RGS22: variants seen among roughly 807,000 people sequenced by gnomAD.
RGS22 encodes regulator of G protein signaling 22, also known as regulator of G-protein signaling 22.
A neutral mutation model predicts 172.9 loss-of-function variants in RGS22; 148 were observed. The ratio of observed to expected loss-of-function variants is 0.86; its 90% confidence interval spans 0.75 to 0.98. RGS22 has a LOEUF of 0.98. Among genes scored for constraint, RGS22 ranks in the 50% least tolerant of loss-of-function variants. The probability of loss-of-function intolerance (pLI) is 0.00; values close to 1 mark genes in which losing one functional copy is unlikely to be tolerated. For missense variants in RGS22, 1,347 were observed against 1,440.8 expected, an observed-to-expected ratio of 0.93 and a Z score of 1.05; for synonymous variants, 458 against 480.2, an observed-to-expected ratio of 0.95 and a Z score of 0.60.
intron 14 of RGS22, among the ~76,000 whole-genome samples, chr8:100,033,701 C>T (rs564932814): frequency 1.6e-4 from 25 of 151,640 alleles, no homozygotes; most frequent in East Asian, 9.7e-4. Context: ...GACATCAATG[C>T]GAAAATCCTC....
At chr8:100,060,421 T>TATATCTATATATATATAC (rs1245783464) in intron 9 of RGS22, among the ~76,000 whole-genome samples, 2 of 119,482 alleles carry the variant, frequency 1.7e-5, no homozygotes, top group African/African-American at 2.9e-5. Flanking sequence ...TATATATATA[T>TATATCTATATATATATAC]ACACACACAC....
chr8:100,105,661 C>G, intron 1 of RGS22: 1 of 576,734 alleles, frequency 1.7e-6, no homozygotes, highest in Non-Finnish European at 3.0e-6. Flanking sequence ...AGACGGAACC[C>G]TCTATTATTC....
chr8:100,063,432 G>A lies in RGS22; in HGVS notation c.1336C>T (p.Pro446Ser). 1 of 1,577,752 alleles carries A rather than the reference G, an allele frequency of 6.3e-7. No individual in the cohort carries two copies. Among genetic ancestry groups the A allele is most frequent in the Non-Finnish European group, 8.6e-7 (1 of 1,164,302 alleles). Reference protein sequence around the residue: ...DIERLKVLKDPGRHQRHLEKM... With the variant: ...DIERLKVLKDSGRHQRHLEKM... ...TAGAATTACCTTTGATGTCTTCCAGGATCCTTAAGAACTTTTAACCTCTCA... is the reference window on the plus strand; with the variant it reads ...TAGAATTACCTTTGATGTCTTCCAGAATCCTTAAGAACTTTTAACCTCTCA... The change falls in exon 8 of 28, where the codon CCT becomes TCT. Residue 446 changes from proline (P) to serine (S), a missense_variant. Physicochemically the swap from Pro to Ser is moderately conservative, Grantham distance 74. Coordinates refer to ENST00000360863, the MANE Select transcript of RGS22 (RefSeq NM_015668.5).
chr8:100,050,313 CA>C (rs1821145813), intron 10 of RGS22, among the ~76,000 whole-genome samples: 5 of 152,200 alleles, frequency 3.3e-5, no homozygotes, highest in Admixed American at 6.6e-5. Context: ...AGTTGTAAGC[CA>C]AACCCCTGAT....
intron 11 of RGS22, 85 bp downstream of exon 11, chr8:100,047,378 G>C (rs1820833611): frequency 1.6e-6 from 2 of 1,271,178 alleles, no homozygotes; most frequent in Admixed American, 2.5e-5. Context: ...CAAAGTACTA[G>C]TTTTTAATTT....
intron 14 of RGS22, among the ~76,000 whole-genome samples, chr8:100,010,626 G>C (rs1816270872): frequency 6.6e-6 from 1 of 152,116 alleles, no homozygotes; most frequent in Non-Finnish European, 1.5e-5. Flanking sequence ...TCTAGACTGA[G>C]ATCCTTGAGG....
chr8:99,969,103 A>G (rs1320947489), intron 23 of RGS22, among the ~76,000 whole-genome samples: 1 of 152,190 alleles, frequency 6.6e-6, no homozygotes, highest in Non-Finnish European at 1.5e-5. Flanking sequence ...AACCTTAAAG[A>G]AAATAATTTT....
Position 100,041,847 on chromosome 8 carries a change from G to C in RGS22, c.1893C>G (p.Leu631=). 6.2e-7 allele frequency: 1 copy of C among 1,613,146 alleles called. No individual in the cohort carries two copies. The change falls in exon 12 of 28, where the codon CTC becomes CTG. Residue 631 remains leucine (L), a synonymous_variant. Coordinates refer to ENST00000360863, the MANE Select transcript of RGS22 (RefSeq NM_015668.5). Reference sequence around the variant, plus strand: ...CGTATCTTCTATCCAGCTGGGGCTTGAGACATTCAGAAATGTCAGTAAAAG... The same window carrying C: ...CGTATCTTCTATCCAGCTGGGGCTTCAGACATTCAGAAATGTCAGTAAAAG... ...LTSFTDISEC[L]KPQLDRRYAY...
intron 9 of RGS22, among the ~76,000 whole-genome samples, chr8:100,056,279 G>A (rs771498715): frequency 1.4e-4 from 22 of 152,204 alleles, no homozygotes; most frequent in Non-Finnish European, 2.5e-4. Context: ...AAGCATTCAA[G>A]GGGAAGCAGA....
intron 22 of RGS22, among the ~76,000 whole-genome samples, chr8:99,978,990 T>C (rs962372818): frequency 1.3e-5 from 2 of 152,354 alleles, no homozygotes; most frequent in African/African-American, 4.8e-5. Context: ...ATGAATGCTA[T>C]TAGTAATACT....
At chr8:100,092,966 G>A (rs1812694099) in intron 3 of RGS22, among the ~76,000 whole-genome samples, 1 of 152,118 alleles carries the variant, frequency 6.6e-6, no homozygotes, top group Non-Finnish European at 1.5e-5. Context: ...CAAAAAATTA[G>A]TTCCTTGACT....
intron 11 of RGS22, among the ~76,000 whole-genome samples, chr8:100,044,043 C>T (rs1484493575): frequency 1.3e-5 from 2 of 152,004 alleles, no homozygotes; most frequent in African/African-American, 4.8e-5. Context: ...GAAAGAAAAC[C>T]TGAATAGATC....
At position 100,097,153 on chromosome 8, in the gene RGS22, G is replaced by A. The variant is rs539724144; in HGVS notation, c.55-3644C>T. 3.9e-5 allele frequency among the ~76,000 whole-genome samples: 6 copies of A among 152,290 alleles called. No homozygotes were observed. In the East Asian group the frequency reaches 1.2e-3, roughly 29 times the overall value. ...CAAGACAGCATAGCAGGTGTCTCTG[G>A]GGAATGGGGGCGAGAATCAACTGAC... On this transcript the variant is annotated intron_variant, in intron 2 of 27. Coordinates refer to ENST00000360863, the MANE Select transcript of RGS22 (RefSeq NM_015668.5).
chr8:100,097,465 C>T (rs1409373124), intron 2 of RGS22, among the ~76,000 whole-genome samples: 1 of 152,110 alleles, frequency 6.6e-6, no homozygotes, highest in Non-Finnish European at 1.5e-5. Flanking sequence ...TGAGATAGGA[C>T]AGCTATGTGA....
chr8:100,080,077 G>T, intron 4 of RGS22, 57 bp downstream of exon 4: 1 of 1,258,852 alleles, frequency 7.9e-7, no homozygotes, highest in Non-Finnish European at 1.1e-6. Flanking sequence ...GTAAACTCAT[G>T]TTAATTTCAC....
At chr8:100,098,689 T>G (rs1230577508) in intron 2 of RGS22, among the ~76,000 whole-genome samples, 1 of 151,880 alleles carries the variant, frequency 6.6e-6, no homozygotes, top group Non-Finnish European at 1.5e-5. Context: ...CTCTTCTCTC[T>G]TCTTCCCTCT....
intron 2 of RGS22, among the ~76,000 whole-genome samples, chr8:100,094,547 AACTT>A (rs1342003171): frequency 6.6e-6 from 1 of 152,208 alleles, no homozygotes; most frequent in Non-Finnish European, 1.5e-5. Flanking sequence ...TATATCAAGA[AACTT>A]ACTAGAAACC....
At position 99,962,944 on chromosome 8, in the gene RGS22, A is replaced by T. The variant is rs1810371034; in HGVS notation, c.3650T>A (p.Leu1217Ter). ...CTTAAGAAGAATTCTCTCCTGTTCT[A>T]AGGCTTCTATATACTTTGAGTAGCA... ...TWCYSKYIEA[L>*]EQERILLKIQ... Residue 1217 changes from leucine to a stop codon, truncating the protein, a stop_gained, in exon 25 of 28, where the codon TTA (leucine) becomes TAA (stop). Transcript: ENST00000360863. LOFTEE classifies it high-confidence loss of function. The T allele has an allele frequency of 6.3e-7, 1 of 1,596,832 alleles. No individual in the cohort carries two copies. Among genetic ancestry groups the T allele is most frequent in the Non-Finnish European group, 8.5e-7 (1 of 1,176,202 alleles).
At chr8:100,022,383 A>G (rs552380327) in intron 14 of RGS22, among the ~76,000 whole-genome samples, 3 of 152,356 alleles carry the variant, frequency 2.0e-5, no homozygotes, top group South Asian at 4.1e-4. Context: ...GGGACAGAGT[A>G]AAAAATCAGA....
Sources: allele counts gnomAD v4.1 joint callset (sites outside exome capture counted in the v4.1 genomes callset), GRCh38; gene constraint gnomAD v4.1.1; transcripts MANE v1.5; gene names NCBI Gene and HGNC (gene_info 2026-07-23, HGNC 2026-07-21).